The following AFAP1 variants were observed in gnomAD, a reference collection of about 807,000 sequenced individuals.
AFAP1 encodes actin filament associated protein 1.
Under a neutral mutation model 93.9 loss-of-function variants are expected in AFAP1, and 75 were observed. That is an observed-to-expected ratio of 0.80 (90% confidence interval 0.66 to 0.97). The LOEUF is 0.97. AFAP1 is among the 50% of genes least tolerant of loss of function. The probability of loss-of-function intolerance (pLI) is 0.00; values close to 1 mark genes in which losing one functional copy is unlikely to be tolerated. For synonymous variants in AFAP1, 517 were observed against 430.7 expected (o/e 1.20, Z -2.48); for missense variants, 1,201 against 1,050.8 (o/e 1.14, Z -1.98).
intron 10 of AFAP1, among the ~76,000 whole-genome samples, chr4:7,799,779 T>A (rs1050231190): frequency 1.3e-5 from 2 of 152,176 alleles, no homozygotes; most frequent in African/African-American, 4.8e-5. Flanking sequence ...TTAAAAACTT[T>A]CAATAATGAA....
chr4:7,799,883 C>T (rs1718859316), intron 10 of AFAP1, among the ~76,000 whole-genome samples: 1 of 152,116 alleles, frequency 6.6e-6, no homozygotes, highest in Admixed American at 6.5e-5. Context: ...ACAAAGCGTG[C>T]ACCAAGCCCA....
intron 9 of AFAP1, among the ~76,000 whole-genome samples, chr4:7,807,600 C>T (rs1560171360): frequency 1.3e-5 from 2 of 152,338 alleles, no homozygotes; most frequent in South Asian, 2.1e-4. Flanking sequence ...CCAGGCTCCT[C>T]GGTTACCCTT....
intron 6 of AFAP1, among the ~76,000 whole-genome samples, chr4:7,822,782 A>T (rs1721087978): frequency 7.0e-6 from 1 of 142,294 alleles, no homozygotes; most frequent in African/African-American, 2.6e-5. Flanking sequence ...TTTAGTAGAG[A>T]CGGGGTTTCA....
intron 11 of AFAP1, among the ~76,000 whole-genome samples, chr4:7,789,468 T>C (rs1383844098): frequency 7.3e-6 from 1 of 136,078 alleles, no homozygotes; most frequent in African/African-American, 2.9e-5. Context: ...CACCAGCCCC[T>C]GCTTTCCATC....
At chr4:7,780,986 C>G (rs546220556) in intron 13 of AFAP1, among the ~76,000 whole-genome samples, 1 of 152,178 alleles carries the variant, frequency 6.6e-6, no homozygotes, top group African/African-American at 2.4e-5. Flanking sequence ...AATGACTACA[C>G]GGAGTCAACC....
At chr4:7,886,130 T>G (rs1351816703) in intron 1 of AFAP1, among the ~76,000 whole-genome samples, 4 of 152,226 alleles carry the variant, frequency 2.6e-5, no homozygotes, top group Admixed American at 2.6e-4. Context: ...CTGGACTGCA[T>G]CTAAAATTCT....
At chr4:7,923,755 G>A (rs903632743) in intron 1 of AFAP1, among the ~76,000 whole-genome samples, 21 of 152,154 alleles carry the variant, frequency 1.4e-4, no homozygotes, top group South Asian at 6.2e-4. Flanking sequence ...GTGAGCCACC[G>A]CACCCGGCCT....
Position 7,787,638 on chromosome 4 carries a change from G to T in AFAP1, c.1413-1327C>A, listed in dbSNP as rs942440099. Among the ~76,000 whole-genome samples, 3 of 152,188 alleles carry T rather than the reference G, an allele frequency of 2.0e-5. No homozygotes were observed. The South Asian group carries it at 6.2e-4, about 32-fold the overall frequency. On this transcript the variant is annotated intron_variant, in intron 11 of 17. Coordinates refer to ENST00000420658, the MANE Select transcript of AFAP1 (RefSeq NM_001134647.2). ...TGCTGGGCATGGGAAAGACCTGCCC[G>T]TTTAGTGGCCAGAGGTGAGGCCCAA...
At chr4:7,763,913 G>A in intron 17 of AFAP1, 122 bp from the exon 18 acceptor site, 2 of 918,630 alleles carry the variant, frequency 2.2e-6, no homozygotes, top group Non-Finnish European at 3.5e-6. Flanking sequence ...AAACTCAACA[G>A]AATCAATGAC....
chr4:7,838,405 CTT>C, intron 6 of AFAP1, 117 bp downstream of exon 6: 1 of 1,218,662 alleles, frequency 8.2e-7, no homozygotes, highest in South Asian at 1.8e-5. Context: ...AGACAAAACT[CTT>C]TGGGTGAATC....
chr4:7,807,332 A>G (rs1719608325), intron 9 of AFAP1, among the ~76,000 whole-genome samples: 1 of 152,188 alleles, frequency 6.6e-6, no homozygotes, highest in African/African-American at 2.4e-5. Flanking sequence ...TCAAGGGCTG[A>G]TGTGAGGCAG....
At position 7,799,795 on chromosome 4, in the gene AFAP1, T is replaced by A. The variant is rs139159914; in HGVS notation, c.1266+647A>T. On this transcript the variant is annotated intron_variant, in intron 10 of 17. Transcript: ENST00000420658. Reference sequence around the variant, plus strand: ...TAAAAACTTTCAATAATGAAAGTTTTGAGTATGTAGCTATGAGTTTTAACT... The same window carrying A: ...TAAAAACTTTCAATAATGAAAGTTTAGAGTATGTAGCTATGAGTTTTAACT... Among the ~76,000 whole-genome samples the A allele has an allele frequency of 1.8e-3, 271 of 152,312 alleles. 2 individuals carry two copies. Among genetic ancestry groups the A allele is most frequent in the African/African-American group, 4.5e-3 (189 of 41,578 alleles).
chr4:7,788,821 C>T (rs1488691644), intron 11 of AFAP1: 1 of 152,284 alleles, frequency 6.6e-6, no homozygotes, highest in African/African-American at 2.4e-5. Flanking sequence ...GGCCGTACTG[C>T]CTTGGGTCTT....
At chr4:7,912,064 C>A (rs570003896) in intron 1 of AFAP1, among the ~76,000 whole-genome samples, 2 of 152,288 alleles carry the variant, frequency 1.3e-5, no homozygotes, top group Non-Finnish European at 2.9e-5. Context: ...GAAGTCCACA[C>A]AGACCCAGGA....
At chr4:7,875,435 C>T (rs1013426180) in intron 1 of AFAP1, among the ~76,000 whole-genome samples, 51 of 152,098 alleles carry the variant, frequency 3.4e-4, no homozygotes, top group African/African-American at 1.1e-3. Flanking sequence ...TAATCAATTT[C>T]TTGATTCTAA....
intron 6 of AFAP1, among the ~76,000 whole-genome samples, chr4:7,819,813 T>C (rs1464176362): frequency 9.2e-5 from 14 of 152,168 alleles, no homozygotes; most frequent in East Asian, 5.8e-4. Flanking sequence ...TTCAAGAGCA[T>C]TGGCTCAGGA....
chr4:7,885,009 T>A (rs1233386680), intron 1 of AFAP1, among the ~76,000 whole-genome samples: 1 of 152,206 alleles, frequency 6.6e-6, no homozygotes, highest in Non-Finnish European at 1.5e-5. Context: ...TGGTTACACC[T>A]TTCTTTGACA....
At chr4:7,794,014 T>C (rs574930315) in intron 10 of AFAP1, among the ~76,000 whole-genome samples, 188 bp from the exon 11 acceptor site, 44 of 152,286 alleles carry the variant, frequency 2.9e-4, no homozygotes, top group Non-Finnish European at 5.9e-4. Context: ...ATTTAGGAAG[T>C]GTCATCCCGA....
At position 7,809,611 on chromosome 4, in the gene AFAP1, T is replaced by C; in HGVS notation, c.1054+3A>G. On this transcript the variant is annotated splice_donor_region_variant and intron_variant, in intron 9 of 17. Transcript: ENST00000420658. ...TGCTCGTCTCCGGGAAGCGCAGTCT[T>C]ACCGCAGGTGGGAACATCTTCCTCA... The C allele has an allele frequency of 6.2e-7, 1 of 1,611,822 alleles. No individual in the cohort carries two copies. The highest frequency in any genetic ancestry group is 8.5e-7 in the Non-Finnish European group (1 of 1,179,312).
Sources: gnomAD v4.1 joint callset for allele counts (sites outside exome capture counted in the v4.1 genomes callset) on GRCh38, gnomAD v4.1.1 for gene constraint, MANE v1.5 for transcripts, NCBI Gene and HGNC (gene_info 2026-07-23, HGNC 2026-07-21) for gene names.